The following KCNMA1 variants were observed in gnomAD, a reference collection of about 807,000 sequenced individuals.
The protein encoded by KCNMA1 is Calcium-activated potassium channel subunit alpha-1.
Under a neutral mutation model 140.0 loss-of-function variants are expected in KCNMA1, and 29 were observed. That is an observed-to-expected ratio of 0.21 (90% CI 0.15 to 0.28). KCNMA1 has a LOEUF of 0.28. KCNMA1 is among the 10% of genes least tolerant of loss of function. The pLI is 1.00. For missense variants in KCNMA1, 880 were observed against 1,602.2 expected (o/e 0.55, Z 7.70); for synonymous variants, 612 against 611.9 (o/e 1.00, Z 0.00).
chr10:77,342,256 T>C (rs2091106090), intron 2 of KCNMA1, among the ~76,000 whole-genome samples: 2 of 152,234 alleles, frequency 1.3e-5, no homozygotes, highest in Non-Finnish European at 2.9e-5. Context: ...ATTAAGATAA[T>C]TTTAATGATA....
chr10:76,885,150 A>G lies in KCNMA1; in HGVS notation c.*2116T>C. 1 of 1,369,654 alleles carries G rather than the reference A, an allele frequency of 7.3e-7. No homozygotes were observed. Among genetic ancestry groups the G allele is most frequent in the Non-Finnish European group, 9.4e-7 (1 of 1,058,294 alleles). 84.8% of individuals were successfully genotyped at this position (1,369,654 alleles called of 1,614,324 possible). A position where few individuals can be genotyped will look rare whatever the true frequency, so the allele number is the denominator to read the frequency against. On this transcript the variant is annotated 3_prime_UTR_variant, in exon 28 of 28. Coordinates refer to ENST00000286628, the MANE Select transcript of KCNMA1 (RefSeq NM_001161352.2). ...GGCGTAACTTTATAACCTCCTTTGC[A>G]AAGAATGCATGAAGAGCTCTTCATG...
At chr10:77,415,694 C>A (rs1220895371) in intron 1 of KCNMA1, among the ~76,000 whole-genome samples, 1 of 152,230 alleles carries the variant, frequency 6.6e-6, no homozygotes, top group Non-Finnish European at 1.5e-5. Flanking sequence ...GAGGATCCAG[C>A]CCCCAAGGAG....
chr10:77,084,564 A>C, intron 12 of KCNMA1, 73 bp downstream of exon 12: 1 of 1,170,042 alleles, frequency 8.5e-7, no homozygotes, highest in Non-Finnish European at 1.3e-6. Flanking sequence ...AGTCCTCTGC[A>C]GAAGATCCAA....
intron 14 of KCNMA1, among the ~76,000 whole-genome samples, chr10:77,067,487 C>G (rs1366952386): frequency 6.6e-6 from 1 of 152,238 alleles, no homozygotes; most frequent in Non-Finnish European, 1.5e-5. Context: ...CTCTCTCTCT[C>G]TCTCACGCAT....
At chr10:77,450,715 C>T (rs1234739016) in intron 1 of KCNMA1, among the ~76,000 whole-genome samples, 3 of 152,164 alleles carry the variant, frequency 2.0e-5, no homozygotes, top group Non-Finnish European at 4.4e-5. Flanking sequence ...AAGAGTCATA[C>T]TATCATGAGT....
chr10:77,511,908 T>C (rs975368996), intron 1 of KCNMA1, among the ~76,000 whole-genome samples: 4 of 152,296 alleles, frequency 2.6e-5, no homozygotes, highest in South Asian at 4.1e-4. Context: ...AGAAGCTAAC[T>C]TCCAGAAGAC....
downstream of KCNMA1, among the ~76,000 whole-genome samples, chr10:76,880,018 C>A (rs1173979904): frequency 6.6e-6 from 1 of 152,122 alleles, no homozygotes; most frequent in South Asian, 2.1e-4. Flanking sequence ...TGCAGACTGA[C>A]TTTGCAAAGG....
intron 1 of KCNMA1, among the ~76,000 whole-genome samples, chr10:77,491,306 T>A (rs1443446681): frequency 2.6e-5 from 4 of 152,134 alleles, no homozygotes; most frequent in African/African-American, 7.2e-5. Context: ...AGAGCCTGGA[T>A]CTGGAACTGG....
intron 14 of KCNMA1, among the ~76,000 whole-genome samples, chr10:77,059,639 A>T (rs2095665365): frequency 6.6e-6 from 1 of 152,120 alleles, no homozygotes; most frequent in South Asian, 2.1e-4. Context: ...CATTTAGCAA[A>T]ATTCAACCTC....
At chr10:76,942,063 C>A (rs940267935) in intron 23 of KCNMA1, among the ~76,000 whole-genome samples, 6 of 152,216 alleles carry the variant, frequency 3.9e-5, no homozygotes, top group African/African-American at 7.2e-5. Flanking sequence ...CCTCCACCTC[C>A]CGGGTTCAAG....
downstream of KCNMA1, chr10:76,884,343 C>A (rs1775077439): frequency 6.6e-6 from 1 of 152,080 alleles, no homozygotes; most frequent in African/African-American, 2.4e-5. Context: ...CATTAATAAC[C>A]CTCCTGGTTT....
chr10:77,292,063 T>C (rs1161248696), intron 2 of KCNMA1, among the ~76,000 whole-genome samples: 2 of 152,334 alleles, frequency 1.3e-5, no homozygotes, highest in East Asian at 1.9e-4. Flanking sequence ...TCAAGTAACA[T>C]AACCCTGCAC....
rs558928803 is a variant in KCNMA1, at chr10:77,439,073, A to G, written c.379-35050T>C. Reference sequence around the variant, plus strand: ...GCGACAGAGCGAGACTCTCTCAAAAAAAGAAAGAAAAGAAAAGAGAAGAGA... The same window carrying G: ...GCGACAGAGCGAGACTCTCTCAAAAGAAGAAAGAAAAGAAAAGAGAAGAGA... On this transcript the variant is annotated intron_variant, in intron 1 of 27. Coordinates refer to ENST00000286628, the MANE Select transcript of KCNMA1 (RefSeq NM_001161352.2). 1.3e-4 allele frequency among the ~76,000 whole-genome samples: 20 copies of G among 150,854 alleles called. No individual in the cohort carries two copies. In the East Asian group the frequency reaches 3.5e-3, roughly 26 times the overall value.
intron 14 of KCNMA1, among the ~76,000 whole-genome samples, chr10:77,049,500 G>A (rs569443757): frequency 6.6e-6 from 1 of 152,274 alleles, no homozygotes; most frequent in South Asian, 2.1e-4. Flanking sequence ...ACAATGAGGT[G>A]GAATTCCATT....
At chr10:77,450,670 T>A (rs1390509058) in intron 1 of KCNMA1, among the ~76,000 whole-genome samples, 7 of 152,178 alleles carry the variant, frequency 4.6e-5, no homozygotes, top group Admixed American at 4.6e-4. Context: ...AGTTTGGGTT[T>A]CACCACCAGT....
intron 2 of KCNMA1, among the ~76,000 whole-genome samples, chr10:77,321,229 G>A (rs939754702): frequency 7.2e-5 from 11 of 152,122 alleles, no homozygotes; most frequent in African/African-American, 2.7e-4. Context: ...TGGAGTCCGT[G>A]GCTTCACCCT....
intron 1 of KCNMA1, among the ~76,000 whole-genome samples, chr10:77,519,100 C>A (rs2154549978): frequency 6.6e-6 from 1 of 152,362 alleles, no homozygotes; most frequent in East Asian, 1.9e-4. Context: ...TATGACCTTT[C>A]CATTCAAGCC....
intron 23 of KCNMA1, among the ~76,000 whole-genome samples, chr10:76,917,361 T>C (rs866514392): frequency 6.6e-6 from 1 of 152,104 alleles, no homozygotes; most frequent in Non-Finnish European, 1.5e-5. Flanking sequence ...CAGGGAGAAA[T>C]GCAGGTCACA....
At chr10:76,891,492 C>T in intron 26 of KCNMA1, 33 bp downstream of exon 26, 2 of 1,581,686 alleles carry the variant, frequency 1.3e-6, no homozygotes, top group East Asian at 4.5e-5. Flanking sequence ...TCCCAAACAG[C>T]AAGCTCAGGT....
Sources: allele counts gnomAD v4.1 joint callset (sites outside exome capture counted in the v4.1 genomes callset), GRCh38; gene constraint gnomAD v4.1.1; transcripts MANE v1.5; gene names NCBI Gene and HGNC (gene_info 2026-07-23, HGNC 2026-07-21).